C1QTNF3: variants seen among roughly 807,000 people sequenced by gnomAD.
The protein encoded by C1QTNF3 is C1q and TNF related 3.
In C1QTNF3, 26 loss-of-function variants were observed where a neutral mutation model predicts 32.6. That is an observed-to-expected ratio of 0.80 (90% CI 0.58 to 1.11). The LOEUF (loss-of-function observed/expected upper bound fraction) is 1.11. C1QTNF3 is among the 50% of genes least tolerant of loss of function. C1QTNF3 has a pLI of 0.00. For missense variants in C1QTNF3, 362 were observed against 398.2 expected, an observed-to-expected ratio of 0.91 and a Z score of 0.77; for synonymous variants, 155 against 146.0, an observed-to-expected ratio of 1.06 and a Z score of -0.44.
At chr5:34,021,655 A>C (rs1023322765) in intron 5 of C1QTNF3, among the ~76,000 whole-genome samples, 1 of 152,222 alleles carries the variant, frequency 6.6e-6, no homozygotes, top group Non-Finnish European at 1.5e-5. Context: ...CAAACTAACA[A>C]ACACAGGAAC....
the C1QTNF3 span, among the ~76,000 whole-genome samples, chr5:34,081,433 T>C: frequency 1.3e-5 from 2 of 151,842 alleles, no homozygotes; most frequent in South Asian, 4.1e-4. Context: ...TCCTTTTATA[T>C]ATCATCATCT....
At chr5:34,184,958 T>A in the C1QTNF3 span, among the ~76,000 whole-genome samples, 1 of 152,418 alleles carries the variant, frequency 6.6e-6, no homozygotes, top group East Asian at 1.9e-4. Context: ...TCTAGAAAGT[T>A]CCATGAACAA....
chr5:34,037,152 T>C (rs751583930), intron 1 of C1QTNF3, among the ~76,000 whole-genome samples: 12 of 152,224 alleles, frequency 7.9e-5, no homozygotes, highest in Non-Finnish European at 1.0e-4. Context: ...AAGTTGCTTA[T>C]GAAATTTGAA....
At chr5:34,158,932 T>A in the C1QTNF3 span, among the ~76,000 whole-genome samples, 3 of 151,160 alleles carry the variant, frequency 2.0e-5, no homozygotes, top group Non-Finnish European at 4.4e-5. Context: ...GTGAGGGATT[T>A]AGGAGAAATA....
the C1QTNF3 span, among the ~76,000 whole-genome samples, chr5:34,205,288 T>C: frequency 2.6e-4 from 40 of 152,186 alleles, no homozygotes; most frequent in African/African-American, 9.2e-4. Context: ...AGGTTAGAGG[T>C]AGTGACATCA....
At chr5:34,027,976 GCT>G (rs969737371) in intron 4 of C1QTNF3, among the ~76,000 whole-genome samples, 5 of 151,916 alleles carry the variant, frequency 3.3e-5, no homozygotes, top group African/African-American at 1.2e-4. Flanking sequence ...GCATAAACAA[GCT>G]CTTTTTTTTT....
chr5:34,225,431 A>G, the C1QTNF3 span, among the ~76,000 whole-genome samples: 3 of 152,042 alleles, frequency 2.0e-5, no homozygotes, highest in Admixed American at 2.0e-4. Context: ...TTCTCCCAAA[A>G]CAATACTTCA....
At chr5:34,128,008 CGG>C in the C1QTNF3 span, among the ~76,000 whole-genome samples, 5 of 152,296 alleles carry the variant, frequency 3.3e-5, no homozygotes, top group African/African-American at 1.2e-4. Context: ...GAGATCTTCA[CGG>C]CTGCAACTCC....
At chr5:34,022,254 G>T (rs1289739184) in intron 5 of C1QTNF3, among the ~76,000 whole-genome samples, 3 of 152,172 alleles carry the variant, frequency 2.0e-5, no homozygotes, top group Non-Finnish European at 4.4e-5. Flanking sequence ...GAGGAAATGG[G>T]TTTGCCAGAG....
At chr5:34,210,057 AATTG>A in the C1QTNF3 span, among the ~76,000 whole-genome samples, 5 of 152,154 alleles carry the variant, frequency 3.3e-5, no homozygotes, top group Non-Finnish European at 4.4e-5. Flanking sequence ...CAGAGGAATG[AATTG>A]ATTTTTTATG....
At chr5:34,043,396 C>A, upstream of C1QTNF3, 3 of 465,214 alleles carry the variant, frequency 6.4e-6, no homozygotes, top group Non-Finnish European at 7.7e-6. Flanking sequence ...AAATGTCACA[C>A]CTTGGCACGT....
the C1QTNF3 span, among the ~76,000 whole-genome samples, chr5:34,203,491 G>C: frequency 1.3e-5 from 2 of 152,250 alleles, no homozygotes; most frequent in African/African-American, 4.8e-5. Context: ...TTCGAGGCCA[G>C]GCTGGCCAAC....
chr5:34,041,741 C>G (rs1446768004), intron 1 of C1QTNF3, among the ~76,000 whole-genome samples: 1 of 151,992 alleles, frequency 6.6e-6, no homozygotes. Flanking sequence ...GTTTGGGCAA[C>G]TGCCTTGTGT....
At chr5:34,099,411 G>T in the C1QTNF3 span, among the ~76,000 whole-genome samples, 1 of 152,124 alleles carries the variant, frequency 6.6e-6, no homozygotes, top group Non-Finnish European at 1.5e-5. Flanking sequence ...ACATTTAATT[G>T]CTTATTTAAT....
At chr5:34,112,370 A>C in the C1QTNF3 span, among the ~76,000 whole-genome samples, 1 of 151,922 alleles carries the variant, frequency 6.6e-6, no homozygotes, top group Non-Finnish European at 1.5e-5. Context: ...TTTTTCAACA[A>C]CTTTCCTGGC....
the C1QTNF3 span, among the ~76,000 whole-genome samples, chr5:34,082,566 T>C: frequency 2.0e-5 from 3 of 151,754 alleles, no homozygotes; most frequent in Non-Finnish European, 2.9e-5. Flanking sequence ...TCTCTGACTA[T>C]TGAATCGATA....
At chr5:34,083,676 G>T in the C1QTNF3 span, among the ~76,000 whole-genome samples, 1 of 151,776 alleles carries the variant, frequency 6.6e-6, no homozygotes, top group East Asian at 1.9e-4. Context: ...ATTCTTTTAT[G>T]TTGGGAACTG....
the C1QTNF3 span, among the ~76,000 whole-genome samples, chr5:34,135,093 T>C: frequency 1.2e-4 from 18 of 152,328 alleles, no homozygotes; most frequent in African/African-American, 3.4e-4. Flanking sequence ...TTACGTTCTA[T>C]CAATAACCTA....
At chr5:34,175,041 C>T in the C1QTNF3 span, among the ~76,000 whole-genome samples, 11 of 145,324 alleles carry the variant, frequency 7.6e-5, no homozygotes, top group Non-Finnish European at 1.4e-4. Context: ...GCCACCGTGC[C>T]CAGCTCCTTT....
Sources: allele counts gnomAD v4.1 joint callset (sites outside exome capture counted in the v4.1 genomes callset), GRCh38; gene constraint gnomAD v4.1.1; transcripts MANE v1.5; gene names NCBI Gene and HGNC (gene_info 2026-07-23, HGNC 2026-07-21).